The following CSMD3 variants were observed in gnomAD, a reference collection of about 807,000 sequenced individuals.
The protein encoded by CSMD3 is CUB and sushi domain-containing protein 3.
Under a neutral mutation model 435.2 loss-of-function variants are expected in CSMD3, and 177 were observed. The observed-to-expected ratio is 0.41, with a 90% CI of 0.36 to 0.46. The LOEUF (loss-of-function observed/expected upper bound fraction) is 0.46. Ranked by LOEUF, CSMD3 falls within the 20% of genes least tolerant of loss-of-function variation. The probability of loss-of-function intolerance (pLI) is 0.34; values close to 1 mark genes in which losing one functional copy is unlikely to be tolerated. For missense variants in CSMD3, 4,265 were observed against 4,504.6 expected, an observed-to-expected ratio of 0.95 and a Z score of 1.52; for synonymous variants, 1,656 against 1,520.5, an observed-to-expected ratio of 1.09 and a Z score of -2.07.
intron 13 of CSMD3, among the ~76,000 whole-genome samples, chr8:112,700,845 G>T (rs2076374406): frequency 6.6e-6 from 1 of 152,142 alleles, no homozygotes; most frequent in Non-Finnish European, 1.5e-5. Flanking sequence ...CCTGAGAGAT[G>T]AAATTTTACC....
chr8:112,937,202 T>C (rs2083305788), intron 9 of CSMD3, among the ~76,000 whole-genome samples: 1 of 152,164 alleles, frequency 6.6e-6, no homozygotes, highest in Admixed American at 6.6e-5. Flanking sequence ...AGTCCTATTC[T>C]TTCTTCTATA....
chr8:113,016,098 GAC>G (rs2086446909), intron 6 of CSMD3, among the ~76,000 whole-genome samples: 1 of 151,610 alleles, frequency 6.6e-6, no homozygotes, highest in Non-Finnish European at 1.5e-5. Flanking sequence ...TCAAAGAAGA[GAC>G]AGTAATAAAT....
chr8:113,131,891 C>G (rs2091292941), intron 4 of CSMD3, among the ~76,000 whole-genome samples: 1 of 152,204 alleles, frequency 6.6e-6, no homozygotes, highest in Admixed American at 6.5e-5. Context: ...GGCAAGTTCT[C>G]ACTATTTTGC....
intron 37 of CSMD3, among the ~76,000 whole-genome samples, chr8:112,382,474 A>C (rs2131248130): frequency 6.6e-6 from 1 of 152,194 alleles, no homozygotes; most frequent in Non-Finnish European, 1.5e-5. Flanking sequence ...GGTGATGATA[A>C]GTAATTGGTT....
chr8:113,129,957 A>C (rs1204878042), intron 4 of CSMD3, among the ~76,000 whole-genome samples: 2 of 151,832 alleles, frequency 1.3e-5, no homozygotes, highest in African/African-American at 4.8e-5. Flanking sequence ...TGATACTCTG[A>C]AAATCTAACT....
intron 5 of CSMD3, among the ~76,000 whole-genome samples, chr8:113,023,801 T>A (rs897499984): frequency 1.3e-5 from 2 of 152,124 alleles, no homozygotes; most frequent in Admixed American, 1.3e-4. Flanking sequence ...AACAGACACA[T>A]AACAATTGCA....
At chr8:112,641,922 T>C (rs901102396) in intron 20 of CSMD3, among the ~76,000 whole-genome samples, 1 of 152,110 alleles carries the variant, frequency 6.6e-6, no homozygotes, top group African/African-American at 2.4e-5. Context: ...AAGTTTGTGA[T>C]GGTGAGGACC....
At chr8:112,425,193 T>G (rs1234532826) in intron 32 of CSMD3, among the ~76,000 whole-genome samples, 1 of 152,236 alleles carries the variant, frequency 6.6e-6, no homozygotes, top group African/African-American at 2.4e-5. Flanking sequence ...ACTATGATAT[T>G]CCAAAATAGA....
At chr8:112,899,596 A>ATT (rs869026644) in intron 10 of CSMD3, among the ~76,000 whole-genome samples, 1 of 65,200 alleles carries the variant, frequency 1.5e-5, no homozygotes, top group Non-Finnish European at 2.7e-5. Flanking sequence ...TTGCTTGTCT[A>ATT]TTTTATATAT....
chr8:112,407,740 T>C (rs1351133614), intron 34 of CSMD3, among the ~76,000 whole-genome samples: 1 of 152,066 alleles, frequency 6.6e-6, no homozygotes, highest in African/African-American at 2.4e-5. Flanking sequence ...CATATATATT[T>C]CAAAGACAAT....
chr8:112,954,570 A>G, intron 8 of CSMD3, 114 bp downstream of exon 8: 1 of 694,512 alleles, frequency 1.4e-6, no homozygotes, highest in South Asian at 1.6e-5. Context: ...ACAGATATTA[A>G]TGCAGTTAAT....
chr8:112,321,392 A>T (rs1351103814), intron 45 of CSMD3, among the ~76,000 whole-genome samples: 3 of 152,176 alleles, frequency 2.0e-5, no homozygotes, highest in Admixed American at 6.5e-5. Context: ...CAACTAGACC[A>T]GCTCAGGAAG....
At position 112,976,030 on chromosome 8, in the gene CSMD3, T is replaced by C. The variant is rs2084834624; in HGVS notation, c.1149A>G (p.Thr383=). Residue 383 remains threonine (T), a synonymous_variant, in exon 7 of 71, where the codon ACA becomes ACG. Transcript: ENST00000297405. ...CGGAAAGTCTATGGATGGTGACAGC[T>C]GTAACACTGGATACAGTAACATCTG... ...TPADVTVSSV[T]AVTIHRLSEE... 8.1e-6 allele frequency: 13 copies of C among 1,614,052 alleles called. No individual in the cohort carries two copies. In the East Asian group the frequency reaches 2.7e-4, roughly 33 times the overall value.
chr8:113,016,487 T>C (rs577153867), intron 6 of CSMD3, among the ~76,000 whole-genome samples: 3 of 151,822 alleles, frequency 2.0e-5, no homozygotes, highest in South Asian at 2.1e-4. Flanking sequence ...CACTAGTAGT[T>C]TGCAGTTAAT....
chr8:113,019,494 TTATA>T (rs551919350), intron 5 of CSMD3, among the ~76,000 whole-genome samples: 191 of 149,992 alleles, frequency 1.3e-3, no homozygotes, highest in African/African-American at 4.4e-3. Flanking sequence ...TTTATTAGTA[TTATA>T]TAGTTTATCA....
chr8:112,772,100 A>G (rs1183381547), intron 13 of CSMD3, among the ~76,000 whole-genome samples: 5 of 152,102 alleles, frequency 3.3e-5, no homozygotes, highest in Admixed American at 3.3e-4. Flanking sequence ...CATATCAGAA[A>G]TAAAGATAAA....
At chr8:113,281,062 G>A (rs914621918) in intron 2 of CSMD3, among the ~76,000 whole-genome samples, 14 of 151,588 alleles carry the variant, frequency 9.2e-5, no homozygotes, top group South Asian at 4.2e-4. Context: ...ATTGAGGCTC[G>A]TTTTTGGCCT....
intron 13 of CSMD3, among the ~76,000 whole-genome samples, chr8:112,727,860 T>G (rs1313993619): frequency 1.3e-5 from 2 of 151,860 alleles, no homozygotes; most frequent in East Asian, 3.9e-4. Context: ...TCATTCTATG[T>G]GAAGTAATTT....
chr8:113,060,408 G>T (rs2088562935), intron 5 of CSMD3, among the ~76,000 whole-genome samples: 1 of 151,196 alleles, frequency 6.6e-6, no homozygotes, highest in Non-Finnish European at 1.5e-5. Flanking sequence ...TGGACATCTG[G>T]GTTGGTTCCA....
Sources: allele counts gnomAD v4.1 joint callset (sites outside exome capture counted in the v4.1 genomes callset), GRCh38; gene constraint gnomAD v4.1.1; transcripts MANE v1.5; gene names NCBI Gene and HGNC (gene_info 2026-07-23, HGNC 2026-07-21).